GSE1: variants seen among roughly 807,000 people sequenced by gnomAD.
GSE1 encodes Gse1 coiled-coil protein, also known as genetic suppressor element 1.
In GSE1, 32 loss-of-function variants were observed where a neutral mutation model predicts 112.6. That is an observed-to-expected ratio of 0.28 (90% CI 0.21 to 0.38). The LOEUF is 0.38. Among genes scored for constraint, GSE1 ranks in the 10% least tolerant of loss-of-function variants. GSE1 has a pLI of 1.00. For synonymous variants in GSE1, 1,115 were observed against 735.6 expected (o/e 1.52, Z -8.35); for missense variants, 2,348 against 1,699.2 (o/e 1.38, Z -6.71).
At chr16:85,169,909 C>A in exon 1 of GSE1, 2 of 984,336 alleles carry the variant, frequency 2.0e-6, no homozygotes, top group South Asian at 9.4e-5. Context: ...AGGCGGCCGC[C>A]GTGGCGGCGC....
chr16:85,375,463 C>T (rs771325608), intron 2 of GSE1, among the ~76,000 whole-genome samples: 15 of 152,318 alleles, frequency 9.8e-5, no homozygotes, highest in African/African-American at 3.1e-4. Context: ...TGGGAAGCAG[C>T]GGGTGTCACA....
At chr16:85,258,822 G>A (rs769367565) in intron 1 of GSE1, among the ~76,000 whole-genome samples, 33 of 152,170 alleles carry the variant, frequency 2.2e-4, no homozygotes, top group Non-Finnish European at 4.4e-4. Context: ...TGCCCCTTGT[G>A]GTCCCCGTGC....
intron 1 of GSE1, among the ~76,000 whole-genome samples, chr16:85,617,416 C>T (rs2048437096): frequency 6.6e-6 from 1 of 152,168 alleles, no homozygotes; most frequent in Non-Finnish European, 1.5e-5. Flanking sequence ...GTCCTTGTGA[C>T]TTGGGGGTTT....
At chr16:85,360,497 C>A (rs963630158) in intron 2 of GSE1, among the ~76,000 whole-genome samples, 7 of 152,198 alleles carry the variant, frequency 4.6e-5, no homozygotes, top group African/African-American at 1.7e-4. Flanking sequence ...CAGTCAGGCC[C>A]CGCCTGGGCA....
intron 1 of GSE1, among the ~76,000 whole-genome samples, chr16:85,329,765 T>G (rs966601430): frequency 1.3e-5 from 2 of 151,600 alleles, no homozygotes; most frequent in Admixed American, 6.6e-5. Flanking sequence ...CACCTGCTAA[T>G]TAGAGGGCAA....
intron 2 of GSE1, among the ~76,000 whole-genome samples, chr16:85,403,643 A>C (rs976573189): frequency 6.6e-6 from 1 of 152,014 alleles, no homozygotes; most frequent in African/African-American, 2.4e-5. Context: ...AAAAAAACAA[A>C]ATAACAAAAT....
chr16:85,442,711 CT>C (rs939260716), intron 2 of GSE1, among the ~76,000 whole-genome samples: 1 of 152,204 alleles, frequency 6.6e-6, no homozygotes, highest in African/African-American at 2.4e-5. Context: ...GAGGCAGCCC[CT>C]GGCCCCCTTG....
intron 1 of GSE1, among the ~76,000 whole-genome samples, chr16:85,603,551 G>C (rs1445051063): frequency 6.6e-6 from 1 of 152,186 alleles, no homozygotes; most frequent in Non-Finnish European, 1.5e-5. Context: ...CCCAGGCTGT[G>C]GTGCAGTGGT....
intron 2 of GSE1, among the ~76,000 whole-genome samples, chr16:85,517,709 G>T (rs918613318): frequency 1.1e-4 from 16 of 152,154 alleles, no homozygotes; most frequent in African/African-American, 3.6e-4. Flanking sequence ...TCTTGCAGTC[G>T]GTCATTCCAT....
intron 1 of GSE1, among the ~76,000 whole-genome samples, chr16:85,614,610 C>T (rs1212864764): frequency 6.6e-6 from 1 of 152,198 alleles, no homozygotes; most frequent in Non-Finnish European, 1.5e-5. Context: ...GCCGCAGTGC[C>T]CGTCTGAGTT....
intron 2 of GSE1, among the ~76,000 whole-genome samples, chr16:85,510,227 G>T (rs1424291330): frequency 3.3e-5 from 5 of 152,292 alleles, no homozygotes; most frequent in South Asian, 2.1e-4. Flanking sequence ...TACTCTGGGG[G>T]CTGAATTTCC....
At chr16:85,288,280 C>G (rs899632824) in intron 1 of GSE1, among the ~76,000 whole-genome samples, 9 of 152,096 alleles carry the variant, frequency 5.9e-5, no homozygotes, top group Admixed American at 4.6e-4. Flanking sequence ...TCTCAGCCCC[C>G]CTACGCACTT....
intron 1 of GSE1, among the ~76,000 whole-genome samples, chr16:85,266,093 G>A (rs975237329): frequency 3.3e-5 from 5 of 152,160 alleles, no homozygotes; most frequent in African/African-American, 7.2e-5. Context: ...TGGGAAGGCC[G>A]TTCCAAGGAG....
chr16:85,554,455 C>T (rs1306013853), upstream of GSE1, among the ~76,000 whole-genome samples: 3 of 152,142 alleles, frequency 2.0e-5, no homozygotes, highest in African/African-American at 4.8e-5. Flanking sequence ...TTTATTAGGT[C>T]TATTTGCCTG....
intron 1 of GSE1, among the ~76,000 whole-genome samples, chr16:85,582,623 G>C (rs1486594747): frequency 6.6e-6 from 1 of 152,174 alleles, no homozygotes; most frequent in Admixed American, 6.5e-5. Flanking sequence ...CTGACACCCA[G>C]TTCCCCCTTA....
chr16:85,266,004 GGACA>G (rs1314386446), intron 1 of GSE1, among the ~76,000 whole-genome samples: 4 of 152,276 alleles, frequency 2.6e-5, no homozygotes, highest in African/African-American at 9.6e-5. Flanking sequence ...GCGGGTCCTT[GGACA>G]GACAAAGTGG....
At chr16:85,528,095 G>T (rs1350832420) in intron 2 of GSE1, among the ~76,000 whole-genome samples, 1 of 152,230 alleles carries the variant, frequency 6.6e-6, no homozygotes, top group Non-Finnish European at 1.5e-5. Context: ...TGCAAACAGG[G>T]AGGAGGCCTT....
intron 1 of GSE1, among the ~76,000 whole-genome samples, chr16:85,197,444 A>T (rs138716501): frequency 1.0e-3 from 152 of 152,318 alleles, no homozygotes; most frequent in African/African-American, 3.6e-3. Flanking sequence ...CTTTAACTCA[A>T]TTCCTGTTCC....
chr16:85,211,464 G>A (rs1291559664), intron 1 of GSE1, among the ~76,000 whole-genome samples: 1 of 152,196 alleles, frequency 6.6e-6, no homozygotes, highest in African/African-American at 2.4e-5. Context: ...GTCCCACTCT[G>A]CCACTGCCGC....
Sources: gnomAD v4.1 joint callset for allele counts (sites outside exome capture counted in the v4.1 genomes callset) on GRCh38, gnomAD v4.1.1 for gene constraint, MANE v1.5 for transcripts, NCBI Gene and HGNC (gene_info 2026-07-23, HGNC 2026-07-21) for gene names.